NR6A1: variants seen among roughly 807,000 people sequenced by gnomAD.
NR6A1 encodes the protein retinoic acid receptor-related testis-associated receptor.
In NR6A1, 7 loss-of-function variants were observed where a neutral mutation model predicts 59.1. The observed-to-expected ratio is 0.12, with a 90% CI of 0.07 to 0.22. The LOEUF is 0.22. NR6A1 is among the 10% of genes least tolerant of loss of function. NR6A1 has a pLI of 1.00. For missense variants in NR6A1, 468 were observed against 611.6 expected, an observed-to-expected ratio of 0.77 and a Z score of 2.48; for synonymous variants, 243 against 236.1, an observed-to-expected ratio of 1.03 and a Z score of -0.27.
chr9:124,635,584 T>C (rs1836585066), intron 2 of NR6A1, among the ~76,000 whole-genome samples: 1 of 152,216 alleles, frequency 6.6e-6, no homozygotes, highest in African/African-American at 2.4e-5. Flanking sequence ...CAGTCTCAGG[T>C]ATTTCTTCAC....
At chr9:124,732,293 T>A (rs1329366306) in intron 2 of NR6A1, among the ~76,000 whole-genome samples, 3 of 152,140 alleles carry the variant, frequency 2.0e-5, no homozygotes. Context: ...CTCTAGACCA[T>A]CTCATGGAAT....
chr9:124,520,414 T>C lies in NR6A1; in HGVS notation c.*2291A>G, dbSNP rs141475418. 10 of 152,356 alleles carry C rather than the reference T, an allele frequency of 6.6e-5. No homozygotes were observed. The highest frequency in any genetic ancestry group is 2.2e-4 in the African/African-American group (9 of 41,582). 9.4% of individuals were successfully genotyped at this position (152,356 alleles called of 1,614,324 possible). A position where few individuals can be genotyped will look rare whatever the true frequency, so the allele number is the denominator to read the frequency against. ...CTGCAAACATTTGTAAAACTGGATTTGTACAATGGCAACTTGCAGAACCTT... is the reference window on the plus strand; with the variant it reads ...CTGCAAACATTTGTAAAACTGGATTCGTACAATGGCAACTTGCAGAACCTT... On this transcript the variant is annotated 3_prime_UTR_variant, in exon 10 of 10. Transcript: ENST00000487099.
At chr9:124,567,064 C>T (rs1343725723) in intron 2 of NR6A1, among the ~76,000 whole-genome samples, 8 of 150,856 alleles carry the variant, frequency 5.3e-5, no homozygotes, top group Non-Finnish European at 1.0e-4. Flanking sequence ...GCCGAGATCC[C>T]GCCACTGCAC....
At chr9:124,580,036 CAAAG>C (rs989634277) in intron 2 of NR6A1, among the ~76,000 whole-genome samples, 7 of 152,052 alleles carry the variant, frequency 4.6e-5, no homozygotes, top group African/African-American at 7.2e-5. Context: ...AACAAACAAA[CAAAG>C]ATTTACCATA....
intron 7 of NR6A1, among the ~76,000 whole-genome samples, chr9:124,529,500 C>T (rs1039697931): frequency 2.0e-5 from 3 of 152,190 alleles, no homozygotes; most frequent in African/African-American, 7.2e-5. Flanking sequence ...GAGATGGCTA[C>T]CCCAAGGTTG....
intron 2 of NR6A1, among the ~76,000 whole-genome samples, chr9:124,643,355 C>T (rs1156359820): frequency 6.6e-6 from 1 of 151,980 alleles, no homozygotes; most frequent in East Asian, 1.9e-4. Context: ...AATCCCAGCA[C>T]TCTGAGAGGC....
chr9:124,639,999 A>T (rs1018859777), intron 2 of NR6A1, among the ~76,000 whole-genome samples: 1 of 152,216 alleles, frequency 6.6e-6, no homozygotes, highest in Non-Finnish European at 1.5e-5. Context: ...TTTGATATGT[A>T]ACACCTCTGG....
intron 2 of NR6A1, among the ~76,000 whole-genome samples, chr9:124,709,828 G>A (rs1300040744): frequency 3.3e-5 from 5 of 151,772 alleles, no homozygotes; most frequent in South Asian, 2.1e-4. Flanking sequence ...CCAGCTACTC[G>A]GGAGGCTGAG....
intron 2 of NR6A1, among the ~76,000 whole-genome samples, chr9:124,682,226 T>C (rs1331331056): frequency 6.6e-6 from 1 of 152,094 alleles, no homozygotes; most frequent in Non-Finnish European, 1.5e-5. Flanking sequence ...GGTCTCGAAC[T>C]CCTGACCTCA....
At chr9:124,731,639 C>CA (rs1226936901) in intron 2 of NR6A1, among the ~76,000 whole-genome samples, 2 of 152,168 alleles carry the variant, frequency 1.3e-5, no homozygotes, top group Non-Finnish European at 2.9e-5. Flanking sequence ...TCTCCTCCTT[C>CA]AGCATGAAGG....
intron 2 of NR6A1, among the ~76,000 whole-genome samples, chr9:124,717,511 C>A (rs1839439321): frequency 6.6e-6 from 1 of 152,074 alleles, no homozygotes. Context: ...AGAAAACAGG[C>A]AAAACTAATC....
intron 3 of NR6A1, among the ~76,000 whole-genome samples, chr9:124,545,976 G>A (rs532651948): frequency 2.6e-5 from 4 of 152,252 alleles, no homozygotes; most frequent in African/African-American, 7.2e-5. Flanking sequence ...TTAGCCGGGC[G>A]TGGTGGCACA....
At chr9:124,642,848 T>C (rs1468642863) in intron 2 of NR6A1, among the ~76,000 whole-genome samples, 1 of 152,152 alleles carries the variant, frequency 6.6e-6, no homozygotes, top group African/African-American at 2.4e-5. Context: ...ACAGCTTTAA[T>C]TCTGTGTGTC....
chr9:124,697,566 T>C (rs1168246853), intron 2 of NR6A1, among the ~76,000 whole-genome samples: 2 of 151,856 alleles, frequency 1.3e-5, no homozygotes, highest in East Asian at 1.9e-4. Flanking sequence ...ATGGATGGTA[T>C]GTTGTGTAGG....
intron 9 of NR6A1, among the ~76,000 whole-genome samples, chr9:124,523,070 G>A (rs545699270): frequency 1.3e-5 from 2 of 152,218 alleles, no homozygotes; most frequent in East Asian, 1.9e-4. Flanking sequence ...GCATTACCTC[G>A]TTGAATTCTC....
intron 2 of NR6A1, among the ~76,000 whole-genome samples, chr9:124,576,366 C>A (rs963913129): frequency 6.6e-6 from 1 of 152,184 alleles, no homozygotes; most frequent in Non-Finnish European, 1.5e-5. Flanking sequence ...CGGCTCACTG[C>A]AACTTCCACC....
intron 6 of NR6A1, among the ~76,000 whole-genome samples, chr9:124,537,712 G>A (rs1833312053): frequency 6.6e-6 from 1 of 152,138 alleles, no homozygotes; most frequent in Admixed American, 6.5e-5. Flanking sequence ...GGTGCAGACA[G>A]GCTACAACCA....
Position 124,538,261 on chromosome 9 carries a change from C to T in NR6A1, c.655G>A (p.Val219Met). 1 of 1,614,176 alleles carries T rather than the reference C, an allele frequency of 6.2e-7. No homozygotes were observed. The highest frequency in any genetic ancestry group is 8.5e-7 in the Non-Finnish European group (1 of 1,180,034). ...GGTATATATTGGTAATGTGGAGGCACAGACATTCCCATGTACTGTTCCCTG... is the reference window on the plus strand; with the variant it reads ...GGTATATATTGGTAATGTGGAGGCATAGACATTCCCATGTACTGTTCCCTG... ...AFREQYMGMS[V>M]PPHYQYIPHL... Residue 219 changes from valine (V) to methionine (M), a missense_variant, in exon 6 of 10, where the codon GTG becomes ATG. Physicochemically the swap from Val to Met is conservative, Grantham distance 21. This residue lies in a region of NR6A1 where 151 missense variants were observed against 142.8 expected (regional missense o/e 1.06). Coordinates refer to ENST00000487099, the MANE Select transcript of NR6A1 (RefSeq NM_033334.4).
intron 2 of NR6A1, among the ~76,000 whole-genome samples, chr9:124,685,444 T>C (rs1838301225): frequency 6.6e-6 from 1 of 152,190 alleles, no homozygotes; most frequent in South Asian, 2.1e-4. Flanking sequence ...TATTGCCACC[T>C]CAGCCTCCTA....
Sources: gnomAD v4.1 joint callset for allele counts (sites outside exome capture counted in the v4.1 genomes callset) on GRCh38, gnomAD v4.1.1 for gene constraint, gnomAD v4.1.1 regional missense constraint, MANE v1.5 for transcripts, NCBI Gene and HGNC (gene_info 2026-07-23, HGNC 2026-07-21) for gene names.